JADE2: variants seen among roughly 807,000 people sequenced by gnomAD.
JADE2 encodes jade family PHD finger 2.
A neutral mutation model predicts 85.7 loss-of-function variants in JADE2; 13 were observed. The observed-to-expected ratio is 0.15, with a 90% CI of 0.10 to 0.24. JADE2 has a LOEUF of 0.24. JADE2 is among the 10% of genes least tolerant of loss of function. The probability of loss-of-function intolerance (pLI) is 1.00; values close to 1 mark genes in which losing one functional copy is unlikely to be tolerated. For missense variants in JADE2, 846 were observed against 1,115.9 expected, an observed-to-expected ratio of 0.76 and a Z score of 3.45; for synonymous variants, 440 against 456.1, an observed-to-expected ratio of 0.96 and a Z score of 0.45.
chr5:134,533,524 G>A (rs149213278), intron 1 of JADE2: 2 of 985,132 alleles, frequency 2.0e-6, no homozygotes, highest in Non-Finnish European at 2.4e-6. Flanking sequence ...ATGCTGGCTC[G>A]GAAGTACCTT....
At chr5:134,556,909 T>TCC in intron 4 of JADE2, among the ~76,000 whole-genome samples, 1 of 108,690 alleles carries the variant, frequency 9.2e-6, no homozygotes, top group African/African-American at 3.8e-5. Context: ...ACATACCACA[T>TCC]GCACACACAC....
intron 3 of JADE2, among the ~76,000 whole-genome samples, chr5:134,550,400 G>C (rs1413900138): frequency 1.3e-5 from 2 of 152,180 alleles, no homozygotes; most frequent in Non-Finnish European, 2.9e-5. Context: ...GCACATAGCA[G>C]GCAGAGGTTA....
chr5:134,527,279 TG>T (rs1364017233), intron 1 of JADE2, among the ~76,000 whole-genome samples: 2 of 149,024 alleles, frequency 1.3e-5, no homozygotes, highest in Non-Finnish European at 3.0e-5. Context: ...CCTCCCCGCC[TG>T]GGTGCAGACT....
intron 3 of JADE2, among the ~76,000 whole-genome samples, chr5:134,540,643 G>A (rs755309434): frequency 1.3e-5 from 2 of 152,154 alleles, no homozygotes; most frequent in Non-Finnish European, 2.9e-5. Flanking sequence ...GAATTGTCGT[G>A]CCCATTTCAG....
In JADE2 at chr5:134,569,459, C is replaced by T. The variant is rs552312762; in HGVS notation, c.1434+2879C>T. Among the ~76,000 whole-genome samples the T allele has an allele frequency of 4.6e-5, 7 of 152,360 alleles. No individual in the cohort carries two copies. In the East Asian group the frequency reaches 5.8e-4, roughly 13 times the overall value. On this transcript the variant is annotated intron_variant, in intron 9 of 11. Coordinates refer to ENST00000681547, the MANE Select transcript of JADE2 (RefSeq NM_001388185.1). ...TTGGGCCTCGGCCCCAGCGGACGCTCGGAAGGCATGGCCACTGCAGCCTCC... is the reference window on the plus strand; with the variant it reads ...TTGGGCCTCGGCCCCAGCGGACGCTTGGAAGGCATGGCCACTGCAGCCTCC...
intron 3 of JADE2, chr5:134,544,555 G>A (rs573365223): frequency 3.0e-5 from 5 of 166,892 alleles, no homozygotes; most frequent in African/African-American, 1.2e-4. Context: ...GGGGCAGGAG[G>A]TGGGGAGTGT....
intron 5 of JADE2, 43 bp downstream of exon 5, chr5:134,560,033 G>A (rs1355959762): frequency 6.2e-7 from 1 of 1,610,418 alleles, no homozygotes; most frequent in South Asian, 1.1e-5. Context: ...GGCTGGGCAG[G>A]GAGGGTTTTC....
intron 9 of JADE2, among the ~76,000 whole-genome samples, chr5:134,571,537 A>T (rs1764016444): frequency 6.6e-6 from 1 of 152,100 alleles, no homozygotes; most frequent in African/African-American, 2.4e-5. Flanking sequence ...TCTCTACTAA[A>T]AATACAAAAA....
At position 134,525,944 on chromosome 5, in the gene JADE2, C is replaced by T. The variant is rs1760780088; in HGVS notation, c.-68C>T. 3 of 985,856 alleles carry T rather than the reference C, an allele frequency of 3.0e-6. No homozygotes were observed. Among genetic ancestry groups the T allele is most frequent in the African/African-American group, 3.5e-5 (2 of 57,198 alleles). The allele number at this position is 985,856 out of a possible 1,614,324, so 61.1% of individuals were successfully genotyped here. A position where few individuals can be genotyped will look rare whatever the true frequency, so the allele number is the denominator to read the frequency against. ...AGCTCCCGGCTTCGGGAGCATCCTT[C>T]CCGCGCCGGTCCCTGCAGCGGCGCG... On this transcript the variant is annotated 5_prime_UTR_variant, in exon 1 of 12. Transcript: ENST00000681547.
intron 1 of JADE2, among the ~76,000 whole-genome samples, chr5:134,533,008 T>C (rs1038141806): frequency 4.6e-5 from 7 of 152,230 alleles, no homozygotes; most frequent in Non-Finnish European, 1.0e-4. Flanking sequence ...TGACCCAGAA[T>C]AATCCCTAGG....
chr5:134,537,104 G>C (rs2149878491), intron 2 of JADE2, among the ~76,000 whole-genome samples: 1 of 152,326 alleles, frequency 6.6e-6, no homozygotes, highest in South Asian at 2.1e-4. Context: ...GCCTGGCTCA[G>C]TGGAACCAAA....
chr5:134,546,368 G>A (rs560558284), intron 3 of JADE2, among the ~76,000 whole-genome samples: 1 of 152,266 alleles, frequency 6.6e-6, no homozygotes, highest in Admixed American at 6.5e-5. Flanking sequence ...AGTACCTGCT[G>A]TGTGTCAAAC....
At chr5:134,552,566 A>G (rs1040792219) in intron 4 of JADE2, among the ~76,000 whole-genome samples, 4 of 152,204 alleles carry the variant, frequency 2.6e-5, no homozygotes, top group Non-Finnish European at 4.4e-5. Context: ...TAATGTTGAG[A>G]TAATGGAATG....
At chr5:134,571,440 T>C (rs976683301) in intron 9 of JADE2, among the ~76,000 whole-genome samples, 2 of 152,194 alleles carry the variant, frequency 1.3e-5, no homozygotes, top group Non-Finnish European at 2.9e-5. Context: ...GGCTCACGCC[T>C]GTAATCCCAG....
At chr5:134,545,826 A>G (rs1379009477) in intron 3 of JADE2, among the ~76,000 whole-genome samples, 4 of 152,332 alleles carry the variant, frequency 2.6e-5, no homozygotes, top group African/African-American at 7.2e-5. Context: ...TCAGAAAACA[A>G]TTGTGATGAG....
intron 9 of JADE2, among the ~76,000 whole-genome samples, chr5:134,569,888 AG>A (rs753732519): frequency 6.6e-6 from 1 of 152,088 alleles, no homozygotes; most frequent in African/African-American, 2.4e-5. Context: ...CCAACCCATT[AG>A]TGCCCTTGCC....
At chr5:134,541,169 G>A (rs555216110) in intron 3 of JADE2, among the ~76,000 whole-genome samples, 3 of 152,306 alleles carry the variant, frequency 2.0e-5, no homozygotes, top group East Asian at 1.9e-4. Flanking sequence ...AGTCCTCCCC[G>A]CCCAGAACCC....
At chr5:134,531,042 GGGA>G (rs1469346236) in intron 1 of JADE2, among the ~76,000 whole-genome samples, 2 of 152,206 alleles carry the variant, frequency 1.3e-5, no homozygotes, top group East Asian at 3.8e-4. Flanking sequence ...AAGCACAGCT[GGGA>G]TGGGTATTCC....
rs1465563765 is a variant in JADE2 at position 134,566,624 on chromosome 5, AG to A, written c.1434+46del. On this transcript the variant is annotated intron_variant, in intron 9 of 11. Transcript: ENST00000681547. This position sits in a 1 kb window ranked among gnomAD's most constrained non-coding sequence, Gnocchi z 6.7. The stretch of plus-strand genomic sequence containing the variant: ...TGCCCACCCCCTGCCTGGTGGGTCC[AG>A]GAGTCCTTTCCATGCCACACTCACT... 1.7e-5 allele frequency: 24 copies of A among 1,393,628 alleles called. No homozygotes were observed. Among genetic ancestry groups the A allele is most frequent in the Admixed American group, 2.2e-5 (1 of 45,666 alleles). 86.3% of individuals were successfully genotyped at this position (1,393,628 alleles called of 1,614,324 possible).
Sources: gnomAD v4.1 joint callset for allele counts (sites outside exome capture counted in the v4.1 genomes callset) on GRCh38, gnomAD v4.1.1 for gene constraint, Gnocchi (gnomAD v3.1) non-coding constraint, MANE v1.5 for transcripts, NCBI Gene and HGNC (gene_info 2026-07-23, HGNC 2026-07-21) for gene names.